PCDHGA2: variants seen among roughly 807,000 people sequenced by gnomAD.
PCDHGA2 encodes the protein protocadherin gamma-A2.
In PCDHGA2, 40 loss-of-function variants were observed where a neutral mutation model predicts 59.2. The ratio of observed to expected loss-of-function variants is 0.68; its 90% CI spans 0.52 to 0.88. PCDHGA2 has a LOEUF of 0.88. Ranked by LOEUF, PCDHGA2 falls within the 40% of genes least tolerant of loss-of-function variation. PCDHGA2 has a pLI of 0.00. For synonymous variants in PCDHGA2, 560 were observed against 526.0 expected, an observed-to-expected ratio of 1.06 and a Z score of -0.89; for missense variants, 1,226 against 1,204.0, an observed-to-expected ratio of 1.02 and a Z score of -0.27.
chr5:141,344,047 TGA>T (rs1326553890), intron 1 of PCDHGA2: 2 of 1,556,846 alleles, frequency 1.3e-6, no homozygotes, highest in African/African-American at 2.8e-5. Context: ...ACCAATTGCC[TGA>T]GTTTCCGAAA....
At chr5:141,405,022 C>T in intron 1 of PCDHGA2, 6 of 1,613,976 alleles carry the variant, frequency 3.7e-6, no homozygotes, top group Non-Finnish European at 5.1e-6. Context: ...CAGACCTTAC[C>T]CTCTACCTCG....
intron 1 of PCDHGA2, among the ~76,000 whole-genome samples, chr5:141,354,813 T>C (rs1228624896): frequency 6.6e-6 from 1 of 152,188 alleles, no homozygotes; most frequent in Non-Finnish European, 1.5e-5. Context: ...TTCATAAAGT[T>C]TATTGTACAG....
intron 3 of PCDHGA2, 124 bp from the exon 4 acceptor site, chr5:141,510,823 C>A: frequency 6.4e-7 from 1 of 1,562,432 alleles, no homozygotes. Context: ...CCTATATTCC[C>A]AGTGCTCAGC....
At chr5:141,345,246 G>T (rs377624497) in intron 1 of PCDHGA2, 2 of 1,613,970 alleles carry the variant, frequency 1.2e-6, no homozygotes, top group African/African-American at 2.7e-5. Context: ...TTACCGCTTA[G>T]TGACGGCCAC....
At chr5:141,481,811 G>T (rs1050821120) in intron 1 of PCDHGA2, among the ~76,000 whole-genome samples, 3 of 151,892 alleles carry the variant, frequency 2.0e-5, no homozygotes, top group Admixed American at 1.3e-4. Flanking sequence ...AATTCACCAG[G>T]CGTGGTGGCT....
intron 3 of PCDHGA2, among the ~76,000 whole-genome samples, chr5:141,509,420 G>A (rs1384424118): frequency 6.6e-6 from 1 of 152,128 alleles, no homozygotes; most frequent in East Asian, 1.9e-4. Context: ...GAGCCCCAAT[G>A]AGTCAAACTC....
chr5:141,472,878 C>G (rs774209715), intron 1 of PCDHGA2, among the ~76,000 whole-genome samples: 1 of 146,132 alleles, frequency 6.8e-6, no homozygotes, highest in East Asian at 2.1e-4. Context: ...CCCAGCTACT[C>G]GGGAGGCTGA....
intron 1 of PCDHGA2, among the ~76,000 whole-genome samples, chr5:141,446,802 G>T (rs2098516342): frequency 6.6e-6 from 1 of 152,130 alleles, no homozygotes; most frequent in South Asian, 2.1e-4. Flanking sequence ...CTTCCATTGT[G>T]ATCATCTAGT....
chr5:141,345,534 CT>C lies in PCDHGA2; in HGVS notation c.2424+4140del, dbSNP rs749828166. ...CGAGGACACTCTCCAGGGGGCGCCC[CT>C]GTCCTCCTTCGTCTCTATCAACTCC... On this transcript the variant is annotated intron_variant, in intron 1 of 3. Transcript: ENST00000394576. The C allele has an allele frequency of 8.1e-6, 13 of 1,614,062 alleles. No homozygotes were observed. In the South Asian group the frequency reaches 1.1e-4, roughly 14 times the overall value.
rs746848714 is a variant in PCDHGA2, at chr5:141,357,268, A to G, written c.2424+15873A>G. 1.9e-6 allele frequency: 3 copies of G among 1,613,280 alleles called. No homozygotes were observed. The South Asian group carries it at 3.3e-5, about 18-fold the overall frequency. On this transcript the variant is annotated intron_variant, in intron 1 of 3. Transcript: ENST00000394576. ...AGCAGACCCAGACGACTCGGGCCTCACACTCTATCTCGTGGTGGCAGTGGC... is the reference window on the plus strand; with the variant it reads ...AGCAGACCCAGACGACTCGGGCCTCGCACTCTATCTCGTGGTGGCAGTGGC...
chr5:141,431,968 T>G lies in PCDHGA2; in HGVS notation c.2425-62839T>G, dbSNP rs571981127. 6.2e-7 allele frequency: 1 copy of G among 1,614,190 alleles called. No individual in the cohort carries two copies. Among genetic ancestry groups the G allele is most frequent in the Admixed American group, 1.7e-5 (1 of 60,024 alleles). On this transcript the variant is annotated intron_variant, in intron 1 of 3. Coordinates refer to ENST00000394576, the MANE Select transcript of PCDHGA2 (RefSeq NM_018915.4). The surrounding 1 kb of genome is among the most constrained non-coding windows in gnomAD (Gnocchi z 4.8). ...AAAAATCTTACGGAAATTACTATAGTTTAGTCACAGACATAGTCTTGGATA... is the reference window on the plus strand; with the variant it reads ...AAAAATCTTACGGAAATTACTATAGGTTAGTCACAGACATAGTCTTGGATA...
In PCDHGA2 at chr5:141,512,874, C is replaced by G. The variant is rs2099884476; in HGVS notation, c.*1701C>G. The G allele has an allele frequency of 6.6e-6, 1 of 152,246 alleles. No homozygotes were observed. Among genetic ancestry groups the G allele is most frequent in the Non-Finnish European group, 1.5e-5 (1 of 68,062 alleles). 9.4% of individuals were successfully genotyped at this position (152,246 alleles called of 1,614,324 possible). ...CTTCTCTTCGCATAGTCACGTAGCT[C>G]CCACCCCACCCTCTTCCTGTGTCTC... On this transcript the variant is annotated 3_prime_UTR_variant, in exon 4 of 4. Transcript: ENST00000394576.
chr5:141,476,601 C>A lies in PCDHGA2; in HGVS notation c.2425-18206C>A. On this transcript the variant is annotated intron_variant, in intron 1 of 3. Coordinates refer to ENST00000394576, the MANE Select transcript of PCDHGA2 (RefSeq NM_018915.4). The surrounding 1 kb of genome is among the most constrained non-coding windows in gnomAD (Gnocchi z 7.6). ...TTTCCGCTCGAGAGCGCGCACGATC[C>A]CGATGTGGGAAGCAACTCTTTACAA... The A allele has an allele frequency of 6.2e-7, 1 of 1,614,228 alleles. No homozygotes were observed. The highest frequency in any genetic ancestry group is 2.2e-5 in the East Asian group (1 of 44,878).
Position 141,477,898 on chromosome 5 carries a change from A to G in PCDHGA2, c.2425-16909A>G. 1 of 1,614,158 alleles carries G rather than the reference A, an allele frequency of 6.2e-7. No homozygotes were observed. Among genetic ancestry groups the G allele is most frequent in the Middle Eastern group, 1.6e-4 (1 of 6,062 alleles). ...CTGGCCACCTAGTGTCACGGGTGGTAGGCTGGGACGCGGATGCAGGGCACA... is the reference window on the plus strand; with the variant it reads ...CTGGCCACCTAGTGTCACGGGTGGTGGGCTGGGACGCGGATGCAGGGCACA... On this transcript the variant is annotated intron_variant, in intron 1 of 3. Coordinates refer to ENST00000394576, the MANE Select transcript of PCDHGA2 (RefSeq NM_018915.4). This position sits in a 1 kb window ranked among gnomAD's most constrained non-coding sequence, Gnocchi z 4.9.
chr5:141,408,157 T>C (rs748693406), intron 1 of PCDHGA2: 70 of 1,514,372 alleles, frequency 4.6e-5, no homozygotes, highest in Non-Finnish European at 5.9e-5. Flanking sequence ...AGAGTGCACT[T>C]TCTCCAACTG....
intron 1 of PCDHGA2, among the ~76,000 whole-genome samples, chr5:141,483,432 A>G (rs756227206): frequency 2.0e-5 from 3 of 152,200 alleles, no homozygotes; most frequent in African/African-American, 4.8e-5. Flanking sequence ...GAGGGAGCTG[A>G]CTACAATAAA....
chr5:141,378,217 G>A (rs977724774), intron 1 of PCDHGA2: 2 of 152,186 alleles, frequency 1.3e-5, no homozygotes, highest in African/African-American at 4.8e-5. Context: ...CATACTGTGT[G>A]CCTGATAGTA....
chr5:141,466,674 T>C (rs2099127051), intron 1 of PCDHGA2, among the ~76,000 whole-genome samples: 1 of 152,222 alleles, frequency 6.6e-6, no homozygotes, highest in South Asian at 2.1e-4. Flanking sequence ...TTCACCGTTC[T>C]TCCACTCAAG....
intron 1 of PCDHGA2, among the ~76,000 whole-genome samples, chr5:141,492,482 A>G (rs1339196127): frequency 6.6e-6 from 1 of 152,182 alleles, no homozygotes; most frequent in Non-Finnish European, 1.5e-5. Context: ...GCGGCCGCCC[A>G]GGACCAGGCG....
Sources: allele counts gnomAD v4.1 joint callset (sites outside exome capture counted in the v4.1 genomes callset), GRCh38; gene constraint gnomAD v4.1.1; non-coding constraint Gnocchi (gnomAD v3.1); transcripts MANE v1.5; gene names NCBI Gene and HGNC (gene_info 2026-07-23, HGNC 2026-07-21).